Variants in BAZ2B observed in about 807,000 individuals in gnomAD.
BAZ2B encodes bromodomain adjacent to zinc finger domain protein 2B.
A neutral mutation model predicts 246.0 loss-of-function variants in BAZ2B; 91 were observed. That is an observed-to-expected ratio of 0.37 (90% CI 0.31 to 0.44). The LOEUF (loss-of-function observed/expected upper bound fraction) is 0.44. Ranked by LOEUF, BAZ2B falls within the 20% of genes least tolerant of loss-of-function variation. BAZ2B has a pLI of 1.00. For synonymous variants in BAZ2B, 855 were observed against 860.0 expected, an observed-to-expected ratio of 0.99 and a Z score of 0.10; for missense variants, 2,332 against 2,533.7, an observed-to-expected ratio of 0.92 and a Z score of 1.71.
At position 159,527,432 on chromosome 2, in the gene BAZ2B, C is replaced by T. The variant is rs964721223; in HGVS notation, c.-3+28391G>A. 4.0e-5 allele frequency among the ~76,000 whole-genome samples: 6 copies of T among 151,084 alleles called. No homozygotes were observed. In the South Asian group the frequency reaches 1.3e-3, roughly 32 times the overall value. On this transcript the variant is annotated intron_variant, in intron 2 of 36. Coordinates refer to ENST00000392783, the MANE Select transcript of BAZ2B (RefSeq NM_013450.4). ...TTCATCATCTTAACAGGGCATTTTG[C>T]AAAGCAAATGTTTTTAATTTTGATA... is the stretch of plus-strand genomic sequence containing the variant.
intron 31 of BAZ2B, among the ~76,000 whole-genome samples, chr2:159,342,942 A>C (rs1575796011): frequency 6.6e-6 from 1 of 152,234 alleles, no homozygotes; most frequent in African/African-American, 2.4e-5. Context: ...GGAATTACAA[A>C]AGACTGAATA....
At chr2:159,462,435 T>G in intron 3 of BAZ2B, 1 of 1,229,034 alleles carries the variant, frequency 8.1e-7, no homozygotes, top group South Asian at 1.2e-5. Flanking sequence ...AGCTGAGTAA[T>G]CTTGTTCCAG....
At chr2:159,344,114 A>C (rs1457567286) in intron 31 of BAZ2B, among the ~76,000 whole-genome samples, 5 of 152,210 alleles carry the variant, frequency 3.3e-5, no homozygotes, top group African/African-American at 1.2e-4. Flanking sequence ...TGTTGGTGGG[A>C]ATGTAAACTA....
intron 3 of BAZ2B, chr2:159,461,264 A>G (rs1422609633): frequency 6.6e-6 from 1 of 152,524 alleles, no homozygotes; most frequent in Non-Finnish European, 1.5e-5. Flanking sequence ...CAGTTGTTAT[A>G]TTATATCTAT....
chr2:159,351,283 T>G (rs2058535158), intron 27 of BAZ2B, among the ~76,000 whole-genome samples: 1 of 152,116 alleles, frequency 6.6e-6, no homozygotes, highest in African/African-American at 2.4e-5. Flanking sequence ...TGTAAACACC[T>G]TGACATGTCG....
intron 27 of BAZ2B, among the ~76,000 whole-genome samples, chr2:159,371,394 T>C (rs553015766): frequency 6.6e-6 from 1 of 152,292 alleles, no homozygotes; most frequent in East Asian, 1.9e-4. Context: ...TCTGTCTGCC[T>C]TGGCCTCCCA....
the BAZ2B span, chr2:159,689,749 G>A: frequency 2.1e-6 from 1 of 477,600 alleles, no homozygotes; most frequent in Non-Finnish European, 3.8e-6. Flanking sequence ...CTTTTCCAAT[G>A]TTGTCTGGAA....
At chr2:159,636,339 A>G in the BAZ2B span, among the ~76,000 whole-genome samples, 1 of 152,332 alleles carries the variant, frequency 6.6e-6, no homozygotes, top group Admixed American at 6.5e-5. Context: ...GTTGTGTTGC[A>G]TGGAGAGAAA....
upstream of BAZ2B, chr2:159,616,582 C>T (rs985300530): frequency 5.3e-5 from 8 of 152,152 alleles, no homozygotes; most frequent in South Asian, 2.1e-4. Context: ...TCTCTCTCCT[C>T]TCTCTAACAA....
intron 24 of BAZ2B, among the ~76,000 whole-genome samples, 184 bp from the exon 25 acceptor site, chr2:159,382,986 C>T (rs1322226689): frequency 6.6e-6 from 1 of 151,934 alleles, no homozygotes; most frequent in Non-Finnish European, 1.5e-5. Context: ...TTACAGGATG[C>T]ATTCACTTTC....
the BAZ2B span, among the ~76,000 whole-genome samples, chr2:159,696,049 C>A: frequency 6.6e-6 from 1 of 152,126 alleles, no homozygotes; most frequent in Non-Finnish European, 1.5e-5. Context: ...TGTGAGCCAC[C>A]ACACCTGGTC....
At chr2:159,522,771 T>G (rs970945819) in intron 2 of BAZ2B, among the ~76,000 whole-genome samples, 1 of 152,076 alleles carries the variant, frequency 6.6e-6, no homozygotes, top group African/African-American at 2.4e-5. Context: ...ATCCAAAAAT[T>G]TCTATTAAAA....
rs1322512099 is a variant in BAZ2B at position 159,412,374 on chromosome 2, T to C, written c.2638A>G (p.Asn880Asp). 2 of 1,614,180 alleles carry C rather than the reference T, an allele frequency of 1.2e-6. No homozygotes were observed. Among genetic ancestry groups the C allele is most frequent in the Non-Finnish European group, 1.7e-6 (2 of 1,180,012 alleles). The change falls in exon 14 of 37, where the codon AAC becomes GAC. Residue 880 changes from asparagine to aspartate, a missense_variant. Physicochemically the swap from Asn to Asp is conservative, Grantham distance 23 (BLOSUM62 1). Around this residue, in one of 9 missense-constraint regions of BAZ2B, gnomAD observed 651 missense variants for 650.9 expected, o/e 1.00. Coordinates refer to ENST00000392783, the MANE Select transcript of BAZ2B (RefSeq NM_013450.4). Reference sequence around the variant, plus strand: ...TTTCTTAGCAACTTTGCATCTGCGTTATCTAGGAATTCAGCATTGCCAACA... The same window carrying C: ...TTTCTTAGCAACTTTGCATCTGCGTCATCTAGGAATTCAGCATTGCCAACA... ...PNVGNAEFLDNADAKLLRKLQ... is the reference protein window; with the variant it reads ...PNVGNAEFLDDADAKLLRKLQ...
At chr2:159,704,631 C>A in the BAZ2B span, among the ~76,000 whole-genome samples, 1,950 of 152,096 alleles carry the variant, frequency 0.013, 49 homozygotes, top group African/African-American at 0.044. Context: ...TACAGGTGTG[C>A]ACCACCATGC....
At chr2:159,463,115 C>T in intron 3 of BAZ2B, 3 of 674,418 alleles carry the variant, frequency 4.4e-6, no homozygotes, top group Non-Finnish European at 8.2e-6. Context: ...GCTGCCCTTT[C>T]CCTGAGGAGA....
chr2:159,500,368 T>C (rs896725541), intron 2 of BAZ2B, among the ~76,000 whole-genome samples: 1 of 152,196 alleles, frequency 6.6e-6, no homozygotes, highest in Non-Finnish European at 1.5e-5. Context: ...TTCTGTTCTA[T>C]TGATCTCTGT....
At chr2:159,356,818 G>C (rs2059161869) in intron 27 of BAZ2B, among the ~76,000 whole-genome samples, 1 of 152,206 alleles carries the variant, frequency 6.6e-6, no homozygotes, top group Non-Finnish European at 1.5e-5. Flanking sequence ...GCCTCCGCTG[G>C]TGATAACAGG....
chr2:159,520,197 A>G (rs1343108950), intron 2 of BAZ2B, among the ~76,000 whole-genome samples: 1 of 152,184 alleles, frequency 6.6e-6, no homozygotes, highest in Admixed American at 6.5e-5. Flanking sequence ...ACAATGATGC[A>G]TTCTGGTTTT....
At chr2:159,399,213 T>C (rs986133651) in intron 17 of BAZ2B, among the ~76,000 whole-genome samples, 4 of 151,388 alleles carry the variant, frequency 2.6e-5, no homozygotes, top group Admixed American at 6.6e-5. Context: ...CACAGAAAAG[T>C]GATTTTATGT....
Sources: allele counts gnomAD v4.1 joint callset (sites outside exome capture counted in the v4.1 genomes callset), GRCh38; gene constraint gnomAD v4.1.1; regional missense constraint gnomAD v4.1.1; transcripts MANE v1.5; gene names NCBI Gene and HGNC (gene_info 2026-07-23, HGNC 2026-07-21).